MGMT: variants seen among roughly 807,000 people sequenced by gnomAD.
MGMT encodes the protein methylated-DNA--protein-cysteine methyltransferase.
Under a neutral mutation model 15.9 loss-of-function variants are expected in MGMT, and 14 were observed. That is an observed-to-expected ratio of 0.88 (90% CI 0.58 to 1.37). MGMT has a LOEUF of 1.37. Ranked by LOEUF, MGMT falls within the 40% of genes most tolerant of loss-of-function variation. The pLI, the probability that MGMT is intolerant of heterozygous loss-of-function variation, is 0.00. For synonymous variants in MGMT, 130 were observed against 118.2 expected (o/e 1.10, Z -0.65); for missense variants, 282 against 268.1 (o/e 1.05, Z -0.36).
At chr10:129,737,501 G>T (rs866183647) in intron 3 of MGMT, among the ~76,000 whole-genome samples, 1 of 151,856 alleles carries the variant, frequency 6.6e-6, no homozygotes, top group African/African-American at 2.4e-5. Flanking sequence ...TGGTTTGAAT[G>T]TCCTCCCGTA....
chr10:129,719,362 G>A (rs917835560), intron 3 of MGMT, among the ~76,000 whole-genome samples: 7 of 152,256 alleles, frequency 4.6e-5, no homozygotes, highest in African/African-American at 1.7e-4. Flanking sequence ...CCTGGTGCGC[G>A]CTGGGGCAAC....
At chr10:129,670,955 G>A (rs1292493044) in intron 2 of MGMT, among the ~76,000 whole-genome samples, 2 of 152,170 alleles carry the variant, frequency 1.3e-5, no homozygotes, top group Non-Finnish European at 2.9e-5. Flanking sequence ...TGAGCTACAC[G>A]TAGATTTACC....
intron 2 of MGMT, among the ~76,000 whole-genome samples, chr10:129,601,955 A>G (rs1846827562): frequency 6.6e-6 from 1 of 152,198 alleles, no homozygotes; most frequent in Admixed American, 6.5e-5. Flanking sequence ...TCCGTGACCA[A>G]CAAAAATCCC....
chr10:129,699,093 G>A (rs1848066048), intron 2 of MGMT, among the ~76,000 whole-genome samples: 4 of 152,100 alleles, frequency 2.6e-5, no homozygotes, highest in Admixed American at 2.6e-4. Flanking sequence ...ATCTTCATCT[G>A]TCAAATAGTA....
rs544133687 is a variant in MGMT, at chr10:129,492,026, T to G, written c.-13+24730T>G. ...TGCTTTTAAAATTGTGAGTGTTTGC[T>G]GGACTTGTGCATAAAGGACTGTAAA... On this transcript the variant is annotated intron_variant, in intron 1 of 4. Transcript: ENST00000651593. Among the ~76,000 whole-genome samples, 9 of 152,284 alleles carry G rather than the reference T, an allele frequency of 5.9e-5. No individual in the cohort carries two copies. The South Asian group carries it at 1.7e-3, about 28-fold the overall frequency.
At chr10:129,692,419 TC>T in intron 2 of MGMT, among the ~76,000 whole-genome samples, 1 of 152,310 alleles carries the variant, frequency 6.6e-6, no homozygotes, top group East Asian at 1.9e-4. Flanking sequence ...GGCTAGAAGA[TC>T]TCTGTCATAG....
At chr10:129,529,295 G>A (rs1170201370) in intron 1 of MGMT, among the ~76,000 whole-genome samples, 1 of 152,114 alleles carries the variant, frequency 6.6e-6, no homozygotes, top group African/African-American at 2.4e-5. Context: ...TGGCACCAGG[G>A]ACCAGTTTTG....
chr10:129,713,957 C>T (rs1262467245), intron 3 of MGMT, among the ~76,000 whole-genome samples: 6 of 152,216 alleles, frequency 3.9e-5, no homozygotes, highest in African/African-American at 7.2e-5. Context: ...AGTGGGCTCC[C>T]GTCACCCGTC....
rs559957641 is a variant in MGMT at position 129,655,965 on chromosome 10, G to A, written c.126-51930G>A. 3.3e-5 allele frequency among the ~76,000 whole-genome samples: 5 copies of A among 152,284 alleles called. No individual in the cohort carries two copies. The East Asian group carries it at 5.8e-4, about 18-fold the overall frequency. ...AACAGCGGTCCCAGATAGCTTAGCC[G>A]GGCAGCAGTCAGAGGTGCCCTGGCC... is the stretch of plus-strand genomic sequence containing the variant. On this transcript the variant is annotated intron_variant, in intron 2 of 4. Transcript: ENST00000651593.
Position 129,769,292 on chromosome 10 carries a change from G to A in MGMT, c.*2295G>A, listed in dbSNP as rs892723915. On this transcript the variant is annotated 3_prime_UTR_variant, in exon 5 of 5. Coordinates refer to ENST00000651593, the MANE Select transcript of MGMT (RefSeq NM_002412.5). ...TACCGCTCCAAGGACAAGCTCTGCC[G>A]AGGCCGACATGAAAAGCCAGCACGC... The A allele has an allele frequency of 3.3e-5, 5 of 152,178 alleles. No homozygotes were observed. The highest frequency in any genetic ancestry group is 6.5e-5 in the Admixed American group (1 of 15,284). 9.4% of individuals were successfully genotyped at this position (152,178 alleles called of 1,614,324 possible).
intron 3 of MGMT, among the ~76,000 whole-genome samples, chr10:129,718,342 G>A (rs961609201): frequency 9.9e-5 from 15 of 152,192 alleles, no homozygotes; most frequent in African/African-American, 2.7e-4. Flanking sequence ...CAGCAGCTCC[G>A]TCTGATCGTA....
chr10:129,702,943 T>A (rs1210328740), intron 2 of MGMT, among the ~76,000 whole-genome samples: 1 of 152,178 alleles, frequency 6.6e-6, no homozygotes, highest in African/African-American at 2.4e-5. Flanking sequence ...ACCCCAGCTC[T>A]TCTTCCAGGG....
chr10:129,687,696 C>CT (rs199800756), intron 2 of MGMT, among the ~76,000 whole-genome samples: 6 of 133,618 alleles, frequency 4.5e-5, no homozygotes, highest in African/African-American at 1.4e-4. Flanking sequence ...ACATGTGTAG[C>CT]CCTTTTTTTT....
intron 2 of MGMT, among the ~76,000 whole-genome samples, chr10:129,682,169 T>C (rs747229051): frequency 1.2e-4 from 19 of 152,098 alleles, no homozygotes; most frequent in Non-Finnish European, 2.4e-4. Flanking sequence ...GGAAAACTTA[T>C]GTCCACACAA....
At chr10:129,476,828 T>C (rs1845300406) in intron 1 of MGMT, among the ~76,000 whole-genome samples, 1 of 152,136 alleles carries the variant, frequency 6.6e-6, no homozygotes. Flanking sequence ...TTAAGACACC[T>C]GGGAAGCTTC....
At chr10:129,537,825 G>A (rs74160216) in intron 2 of MGMT, among the ~76,000 whole-genome samples, 8,119 of 152,236 alleles carry the variant, frequency 0.053, 259 homozygotes, top group South Asian at 0.066. Context: ...ACACACCTGT[G>A]GACAAACCAT....
Position 129,577,175 on chromosome 10 carries a change from GA to G in MGMT, c.125+40803del, listed in dbSNP as rs562545993. ...ACCAATGACTTTCTTCACAGAATTG[GA>G]AAAAGCTACTTTAAAGTTCGTATGG... On this transcript the variant is annotated intron_variant, in intron 2 of 4. Transcript: ENST00000651593. 2.4e-3 allele frequency among the ~76,000 whole-genome samples: 358 copies of G among 152,250 alleles called. 2 individuals are homozygous for G. Among genetic ancestry groups the G allele is most frequent in the African/African-American group, 8.3e-3 (343 of 41,536 alleles).
At chr10:129,677,502 A>G (rs1847798946) in intron 2 of MGMT, among the ~76,000 whole-genome samples, 1 of 152,192 alleles carries the variant, frequency 6.6e-6, no homozygotes, top group African/African-American at 2.4e-5. Context: ...AAGGGAAGCC[A>G]TAGCAGGTGC....
intron 1 of MGMT, among the ~76,000 whole-genome samples, chr10:129,490,798 T>A (rs1431241395): frequency 6.6e-6 from 1 of 152,198 alleles, no homozygotes; most frequent in African/African-American, 2.4e-5. Context: ...TTCTTTATGA[T>A]TAATAGTTTT....
Sources: gnomAD v4.1 joint callset for allele counts (sites outside exome capture counted in the v4.1 genomes callset) on GRCh38, gnomAD v4.1.1 for gene constraint, MANE v1.5 for transcripts, NCBI Gene and HGNC (gene_info 2026-07-23, HGNC 2026-07-21) for gene names.